ZGRF1: variants seen among roughly 807,000 people sequenced by gnomAD.
The protein encoded by ZGRF1 is 5'-3' DNA helicase ZGRF1.
ZGRF1 carries 196 observed loss-of-function variants against 203.5 expected under a neutral mutation model. The ratio of observed to expected loss-of-function variants is 0.96; its 90% CI spans 0.86 to 1.08. The LOEUF is 1.08. Ranked by LOEUF, ZGRF1 falls within the 50% of genes least tolerant of loss-of-function variation. The pLI, the probability that ZGRF1 is intolerant of heterozygous loss-of-function variation, is 0.00. For synonymous variants in ZGRF1, 809 were observed against 841.3 expected (o/e 0.96, Z 0.66); for missense variants, 2,326 against 2,416.3 (o/e 0.96, Z 0.78).
At chr4:112,566,555 A>G (rs1743134229) in intron 16 of ZGRF1, among the ~76,000 whole-genome samples, 1 of 152,112 alleles carries the variant, frequency 6.6e-6, no homozygotes, top group Non-Finnish European at 1.5e-5. Flanking sequence ...TTAATAACAT[A>G]ATTCAAAACA....
chr4:112,628,084 C>G (rs2047294445), intron 3 of ZGRF1, among the ~76,000 whole-genome samples: 1 of 152,186 alleles, frequency 6.6e-6, no homozygotes, highest in Non-Finnish European at 1.5e-5. Flanking sequence ...AGAGACAGAT[C>G]TAAATGTCTC....
chr4:112,565,507 C>A (rs1039408471), intron 16 of ZGRF1: 5 of 616,820 alleles, frequency 8.1e-6, no homozygotes, highest in Admixed American at 5.9e-5. Context: ...TCCATGGGGT[C>A]AAAAAAAGAG....
chr4:112,578,141 T>C (rs1313238173), intron 16 of ZGRF1, among the ~76,000 whole-genome samples: 1 of 122,632 alleles, frequency 8.2e-6, no homozygotes, highest in Non-Finnish European at 1.8e-5. Context: ...ACCACTCAAC[T>C]ACATGGAAAC....
intron 16 of ZGRF1, among the ~76,000 whole-genome samples, chr4:112,575,634 C>T (rs945949265): frequency 2.0e-5 from 3 of 152,208 alleles, no homozygotes; most frequent in South Asian, 2.1e-4. Context: ...TATTATATCC[C>T]GTGCCTGGAT....
At chr4:112,608,856 T>C (rs1751155403) in intron 8 of ZGRF1, among the ~76,000 whole-genome samples, 1 of 152,198 alleles carries the variant, frequency 6.6e-6, no homozygotes, top group Non-Finnish European at 1.5e-5. Flanking sequence ...ATGGGTTTGG[T>C]AATGTTTGCA....
chr4:112,576,686 A>T (rs1284738986), intron 16 of ZGRF1, among the ~76,000 whole-genome samples: 2 of 152,230 alleles, frequency 1.3e-5, no homozygotes, highest in African/African-American at 4.8e-5. Flanking sequence ...CAGTGATGGA[A>T]GATCAAATGA....
At chr4:112,605,388 T>G (rs1468218002) in intron 9 of ZGRF1, among the ~76,000 whole-genome samples, 1 of 152,188 alleles carries the variant, frequency 6.6e-6, no homozygotes, top group Non-Finnish European at 1.5e-5. Context: ...CTCGAACTCC[T>G]GGCCTCAAGT....
chr4:112,575,122 T>C (rs1311687442), intron 16 of ZGRF1, among the ~76,000 whole-genome samples: 3 of 152,076 alleles, frequency 2.0e-5, no homozygotes, highest in East Asian at 1.9e-4. Flanking sequence ...CCAAATTACA[T>C]AGACAATAAA....
Position 112,603,028 on chromosome 4 carries a change from C to A in ZGRF1, c.2976+496G>T, listed in dbSNP as rs542442400. Among the ~76,000 whole-genome samples the A allele has an allele frequency of 1.5e-4, 23 of 151,088 alleles. No individual in the cohort carries two copies. In the South Asian group the frequency reaches 4.4e-3, roughly 29 times the overall value. ...GTATTATGCTTTTTTTTCTTTATTT[C>A]TTCTCATATGTATTATGCTTTGACA... is the stretch of plus-strand genomic sequence containing the variant. On this transcript the variant is annotated intron_variant, in intron 10 of 27. Transcript: ENST00000505019.
At chr4:112,562,341 C>T in intron 18 of ZGRF1, 30 bp downstream of exon 18, 2 of 1,175,092 alleles carry the variant, frequency 1.7e-6, no homozygotes, top group Non-Finnish European at 2.5e-6. Context: ...TTTTTTAATA[C>T]CAATGACTCA....
chr4:112,618,805 T>C lies in ZGRF1; in HGVS notation c.1237A>G (p.Ser413Gly). Residue 413 changes from serine to glycine, a missense_variant, in exon 6 of 28, where the codon AGT (serine) becomes GGT (glycine). Physicochemically the swap from Ser to Gly is moderately conservative, Grantham distance 56. Coordinates refer to ENST00000505019, the MANE Select transcript of ZGRF1 (RefSeq NM_018392.5). The part of the protein sequence containing the change: ...KLEIPSFNES[S>G]SLQVTCSSAE... ...CTGCTACAAGTAACCTGTAAGCTACTGCTTTCATTGAATGAAGGAATTTCT... is the reference window on the plus strand; with the variant it reads ...CTGCTACAAGTAACCTGTAAGCTACCGCTTTCATTGAATGAAGGAATTTCT... The C allele has an allele frequency of 6.2e-7, 1 of 1,612,828 alleles. No homozygotes were observed. The highest frequency in any genetic ancestry group is 1.7e-4 in the Middle Eastern group (1 of 6,060).
chr4:112,603,002 T>A (rs574406712), intron 10 of ZGRF1, among the ~76,000 whole-genome samples: 1 of 150,964 alleles, frequency 6.6e-6, no homozygotes, highest in South Asian at 2.1e-4. Flanking sequence ...ATTTCATATA[T>A]GTATTATGCT....
chr4:112,627,428 T>C (rs919294859), intron 3 of ZGRF1, among the ~76,000 whole-genome samples: 7 of 152,180 alleles, frequency 4.6e-5, no homozygotes, highest in Non-Finnish European at 8.8e-5. Context: ...TTTACACTGC[T>C]GCCAAACCAA....
intron 3 of ZGRF1, chr4:112,628,857 GA>G (rs2149203377): frequency 4.6e-6 from 2 of 432,002 alleles, no homozygotes; most frequent in Admixed American, 2.9e-5. Flanking sequence ...TGGATCTAAA[GA>G]AAAAGGCAGA....
intron 10 of ZGRF1, among the ~76,000 whole-genome samples, chr4:112,602,651 C>A (rs1750160474): frequency 1.3e-5 from 2 of 152,136 alleles, no homozygotes; most frequent in African/African-American, 4.8e-5. Context: ...ACACAAACAT[C>A]TGAAGAATGG....
At chr4:112,596,844 C>T (rs1171149101) in intron 10 of ZGRF1, among the ~76,000 whole-genome samples, 1 of 152,196 alleles carries the variant, frequency 6.6e-6, no homozygotes, top group Non-Finnish European at 1.5e-5. Flanking sequence ...CTGCCCACCT[C>T]GACCTCCCCA....
chr4:112,620,269 G>T, intron 4 of ZGRF1, 79 bp from the exon 5 acceptor site: 1 of 1,003,056 alleles, frequency 1.0e-6, no homozygotes, highest in Non-Finnish European at 1.4e-6. Flanking sequence ...CTAGCACTAA[G>T]ACACAATGGG....
intron 16 of ZGRF1, among the ~76,000 whole-genome samples, chr4:112,576,946 C>G (rs75390606): frequency 0.014 from 2,111 of 151,874 alleles, 16 homozygotes; most frequent in Middle Eastern, 0.044. Context: ...ACATACTCCT[C>G]AAGAACAGCA....
In ZGRF1 at chr4:112,606,060, G is replaced by A; in HGVS notation, c.2750C>T (p.Ala917Val). The change falls in exon 9 of 28, where the codon GCT becomes GTT. Residue 917 changes from alanine to valine, a missense_variant. Ala to Val is a moderately conservative substitution (Grantham distance 64). Transcript: ENST00000505019. ...FSSSGSKEET[A>V]FQAVIPKQIE... ...TTGTTTAGGAATAACAGCTTGAAAA[G>A]CAGTCTCTTCTTTACTTCCCGAGGA... 2.5e-6 allele frequency: 4 copies of A among 1,604,880 alleles called. No individual in the cohort carries two copies. The highest frequency in any genetic ancestry group is 3.4e-6 in the Non-Finnish European group (4 of 1,175,754).
Sources: allele counts gnomAD v4.1 joint callset (sites outside exome capture counted in the v4.1 genomes callset), GRCh38; gene constraint gnomAD v4.1.1; transcripts MANE v1.5; gene names NCBI Gene and HGNC (gene_info 2026-07-23, HGNC 2026-07-21).